The following PAX7 variants were observed in gnomAD, a reference collection of about 807,000 sequenced individuals.
The protein encoded by PAX7 is paired box protein Pax-7.
A neutral mutation model predicts 50.7 loss-of-function variants in PAX7; 18 were observed. The ratio of observed to expected loss-of-function variants is 0.36; its 90% CI spans 0.25 to 0.53. The LOEUF is 0.53. Among genes scored for constraint, PAX7 ranks in the 20% least tolerant of loss-of-function variants. The pLI, the probability that PAX7 is intolerant of heterozygous loss-of-function variation, is 0.93. For synonymous variants in PAX7, 310 were observed against 290.4 expected (o/e 1.07, Z -0.69); for missense variants, 644 against 702.9 (o/e 0.92, Z 0.95).
At chr1:18,723,110 A>G (rs779410349) in intron 7 of PAX7, among the ~76,000 whole-genome samples, 13 of 152,078 alleles carry the variant, frequency 8.5e-5, no homozygotes, top group Non-Finnish European at 1.9e-4. Flanking sequence ...CTGGTTGGAA[A>G]CCCTAGAATG....
Position 18,631,539 on chromosome 1 carries a change from G to T in PAX7, c.-65G>T. On this transcript the variant is annotated 5_prime_UTR_variant, in exon 1 of 9. Coordinates refer to ENST00000420770, the MANE Select transcript of PAX7 (RefSeq NM_001135254.2). ...GACGGAAAGAAAGAGATCGCAGCAG[G>T]GGTGAAGGGAGCGGACGGGAAGCGA... 1 of 1,287,698 alleles carries T rather than the reference G, an allele frequency of 7.8e-7. No homozygotes were observed. Among genetic ancestry groups the T allele is most frequent in the South Asian group, 1.2e-5 (1 of 80,482 alleles). 79.8% of individuals were successfully genotyped at this position (1,287,698 alleles called of 1,614,324 possible). A position where few individuals can be genotyped will look rare whatever the true frequency, so the allele number is the denominator to read the frequency against.
At chr1:18,691,549 G>A (rs1424858653) in intron 4 of PAX7, among the ~76,000 whole-genome samples, 1 of 152,214 alleles carries the variant, frequency 6.6e-6, no homozygotes, top group Non-Finnish European at 1.5e-5. Flanking sequence ...TCTAGGGTTG[G>A]GCATGGAGGT....
intron 4 of PAX7, among the ~76,000 whole-genome samples, chr1:18,664,618 C>G (rs1031345503): frequency 6.6e-6 from 1 of 152,128 alleles, no homozygotes; most frequent in Non-Finnish European, 1.5e-5. Flanking sequence ...ATGGGGAAAT[C>G]GAGAGGCTCA....
chr1:18,713,009 G>C (rs918555319), intron 7 of PAX7, among the ~76,000 whole-genome samples: 72 of 152,272 alleles, frequency 4.7e-4, no homozygotes, highest in African/African-American at 1.7e-3. Flanking sequence ...TTGAATCCAG[G>C]AGGCGGAGGT....
intron 4 of PAX7, among the ~76,000 whole-genome samples, chr1:18,664,960 G>A (rs1163214650): frequency 2.0e-5 from 3 of 152,090 alleles, no homozygotes; most frequent in Non-Finnish European, 2.9e-5. Flanking sequence ...GTGTAGTGTG[G>A]TGGCTAATCT....
chr1:18,682,661 C>G (rs2088916497), intron 4 of PAX7, among the ~76,000 whole-genome samples: 1 of 152,136 alleles, frequency 6.6e-6, no homozygotes, highest in Admixed American at 6.5e-5. Context: ...GCTGCCACCC[C>G]CTCCTCTGGG....
At chr1:18,673,942 C>T (rs1423493743) in intron 4 of PAX7, among the ~76,000 whole-genome samples, 1 of 152,240 alleles carries the variant, frequency 6.6e-6, no homozygotes, top group African/African-American at 2.4e-5. Flanking sequence ...GTTCAGCTGG[C>T]TAGCTGGGGC....
At chr1:18,644,714 T>C (rs2088310955) in intron 4 of PAX7, among the ~76,000 whole-genome samples, 1 of 152,070 alleles carries the variant, frequency 6.6e-6, no homozygotes, top group Admixed American at 6.5e-5. Flanking sequence ...TGGTCCTTGC[T>C]GCTTCCTCCC....
intron 4 of PAX7, among the ~76,000 whole-genome samples, chr1:18,683,300 C>T (rs898467954): frequency 1.3e-5 from 2 of 152,188 alleles, no homozygotes; most frequent in African/African-American, 2.4e-5. Flanking sequence ...CCCAGAGCAC[C>T]GAGGAAGGCT....
At chr1:18,717,281 C>T (rs140474188) in intron 7 of PAX7, among the ~76,000 whole-genome samples, 4,765 of 152,248 alleles carry the variant, frequency 0.031, 103 homozygotes, top group Middle Eastern at 0.068. Context: ...CAGTCTTGGT[C>T]GCGGGGCCTC....
At position 18,656,220 on chromosome 1, in the gene PAX7, G is replaced by A. The variant is rs531429399; in HGVS notation, c.586+19849G>A. Among the ~76,000 whole-genome samples, 271 of 152,288 alleles carry A rather than the reference G, an allele frequency of 1.8e-3. 2 individuals carry two copies. The highest frequency in any genetic ancestry group is 6.8e-3 in the Middle Eastern group (2 of 294). On this transcript the variant is annotated intron_variant, in intron 4 of 8. Transcript: ENST00000420770. ...TAAAATGTAAGAGGCAAGTCCGGGC[G>A]CAGTGGCTCACGCCTGTAATCCCAG...
chr1:18,746,543 G>A lies in PAX7; in HGVS notation c.*1614G>A. On this transcript the variant is annotated 3_prime_UTR_variant, in exon 9 of 9. Transcript: ENST00000420770. ...CATTCCATCACCTTTATCAGGTGCT[G>A]CTGAGTACAAAGCACTTGGGATGGG... 1 of 231,268 alleles carries A rather than the reference G, an allele frequency of 4.3e-6. No homozygotes were observed. The highest frequency in any genetic ancestry group is 8.6e-6 in the Non-Finnish European group (1 of 116,806). The allele number at this position is 231,268 out of a possible 1,614,324, so 14.3% of individuals were successfully genotyped here.
rs755840825 is a variant in PAX7 at position 18,703,085 on chromosome 1, T to C, written c.953-9T>C. 1.2e-5 allele frequency: 19 copies of C among 1,612,056 alleles called. No homozygotes were observed. The highest frequency in any genetic ancestry group is 1.6e-5 in the Non-Finnish European group (19 of 1,178,798). On this transcript the variant is annotated splice_polypyrimidine_tract_variant and intron_variant, in intron 6 of 8. Coordinates refer to ENST00000420770, the MANE Select transcript of PAX7 (RefSeq NM_001135254.2). ...ACTTGCTTAGGACCTCTCTTGGGTC[T>C]CTCTACAGATGGGGGCAGCACTGTG...
chr1:18,686,283 C>T (rs1433246808), intron 4 of PAX7, among the ~76,000 whole-genome samples: 1 of 152,204 alleles, frequency 6.6e-6, no homozygotes, highest in Non-Finnish European at 1.5e-5. Context: ...TGCTCCACAT[C>T]CCTGACTAGA....
chr1:18,720,824 T>G, intron 7 of PAX7, among the ~76,000 whole-genome samples: 3 of 146,502 alleles, frequency 2.0e-5, no homozygotes, highest in Middle Eastern at 3.6e-3. Flanking sequence ...TATACAAGGG[T>G]GGGGCCAGGA....
chr1:18,636,352 C>T lies in PAX7; in HGVS notation c.567C>T (p.Asp189=), dbSNP rs1472035727. 4 of 1,614,066 alleles carry T rather than the reference C, an allele frequency of 2.5e-6. No individual in the cohort carries two copies. The highest frequency in any genetic ancestry group is 3.4e-6 in the Non-Finnish European group (4 of 1,180,002). Reference sequence around the variant, plus strand: ...AAAAGAAGGCCAAACACAGCATCGACGGCATCCTGGGCGACAAAGGTAGGG... The same window carrying T: ...AAAAGAAGGCCAAACACAGCATCGATGGCATCCTGGGCGACAAAGGTAGGG... ...DGEKKAKHSI[D]GILGDKGNRL... Residue 189 remains aspartate, a synonymous_variant, in exon 4 of 9, where the codon GAC becomes GAT. Transcript: ENST00000420770. This position sits in a 1 kb window ranked among gnomAD's most constrained non-coding sequence, Gnocchi z 5.1.
chr1:18,639,393 A>AT (rs1477737811), intron 4 of PAX7, among the ~76,000 whole-genome samples: 1 of 89,022 alleles, frequency 1.1e-5, no homozygotes, highest in Non-Finnish European at 2.1e-5. Flanking sequence ...GAGGCTGTTC[A>AT]TATTTTTTTT....
rs867819163 is a variant in PAX7, at chr1:18,631,201, G to A, written c.-403G>A. On this transcript the variant is annotated 5_prime_UTR_variant, in exon 1 of 9. Coordinates refer to ENST00000420770, the MANE Select transcript of PAX7 (RefSeq NM_001135254.2). Reference sequence around the variant, plus strand: ...GAGAGCGCGGCGCTCGCCACTCTGAGGCTGGCGGCCTCGATTCCGGCCGCG... The same window carrying A: ...GAGAGCGCGGCGCTCGCCACTCTGAAGCTGGCGGCCTCGATTCCGGCCGCG... 4.1e-6 allele frequency: 1 copy of A among 244,666 alleles called. No homozygotes were observed. The highest frequency in any genetic ancestry group is 1.6e-4 in the South Asian group (1 of 6,164). The allele number at this position is 244,666 out of a possible 1,614,324, so 15.2% of individuals were successfully genotyped here. A position where few individuals can be genotyped will look rare whatever the true frequency, so the allele number is the denominator to read the frequency against.
intron 4 of PAX7, among the ~76,000 whole-genome samples, chr1:18,662,186 C>G (rs745338009): frequency 3.9e-5 from 6 of 152,116 alleles, no homozygotes; most frequent in South Asian, 2.1e-4. Flanking sequence ...GGAGAGGGAG[C>G]TTTGGTTTCC....
Sources: gnomAD v4.1 joint callset for allele counts (sites outside exome capture counted in the v4.1 genomes callset) on GRCh38, gnomAD v4.1.1 for gene constraint, Gnocchi (gnomAD v3.1) non-coding constraint, MANE v1.5 for transcripts, NCBI Gene and HGNC (gene_info 2026-07-23, HGNC 2026-07-21) for gene names.